Variants in CNTNAP2 observed in about 807,000 individuals in gnomAD.
CNTNAP2 encodes contactin-associated protein-like 2.
A neutral mutation model predicts 155.2 loss-of-function variants in CNTNAP2; 98 were observed. The ratio of observed to expected loss-of-function variants is 0.63; its 90% CI spans 0.54 to 0.75. The LOEUF is 0.75. Among genes scored for constraint, CNTNAP2 ranks in the 30% least tolerant of loss-of-function variants. The pLI is 0.00. For synonymous variants in CNTNAP2, 651 were observed against 631.2 expected (o/e 1.03, Z -0.47); for missense variants, 1,727 against 1,688.1 (o/e 1.02, Z -0.40).
At chr7:147,455,338 T>A (rs1052384215) in intron 10 of CNTNAP2, among the ~76,000 whole-genome samples, 4 of 152,168 alleles carry the variant, frequency 2.6e-5, no homozygotes, top group African/African-American at 9.6e-5. Flanking sequence ...AAAATATATT[T>A]GTTATTATAA....
chr7:147,531,263 C>T (rs1291388373), intron 11 of CNTNAP2, among the ~76,000 whole-genome samples: 1 of 152,192 alleles, frequency 6.6e-6, no homozygotes, highest in Non-Finnish European at 1.5e-5. Context: ...TCTTACAGCT[C>T]CACTAGGCAG....
At chr7:147,320,628 T>C (rs1795333569) in intron 9 of CNTNAP2, among the ~76,000 whole-genome samples, 1 of 152,180 alleles carries the variant, frequency 6.6e-6, no homozygotes, top group Non-Finnish European at 1.5e-5. Flanking sequence ...AGTATATAAA[T>C]TAAAAACCTG....
intron 15 of CNTNAP2, among the ~76,000 whole-genome samples, chr7:148,093,989 C>T (rs1803908187): frequency 6.6e-6 from 1 of 152,194 alleles, no homozygotes; most frequent in Non-Finnish European, 1.5e-5. Flanking sequence ...AACTCCTGAG[C>T]TCAAGCGATC....
At chr7:147,741,343 G>A (rs78057814) in intron 13 of CNTNAP2, among the ~76,000 whole-genome samples, 4,797 of 152,218 alleles carry the variant, frequency 0.032, 241 homozygotes, top group African/African-American at 0.11. Flanking sequence ...CAAATAAAAT[G>A]GGTCCTGTAA....
At chr7:147,601,048 A>G (rs1207827058) in intron 12 of CNTNAP2, among the ~76,000 whole-genome samples, 3 of 152,176 alleles carry the variant, frequency 2.0e-5, no homozygotes, top group Admixed American at 2.0e-4. Context: ...GCCTCCAAAC[A>G]TATCCAAAAT....
At chr7:147,734,229 C>T (rs1796797669) in intron 13 of CNTNAP2, among the ~76,000 whole-genome samples, 1 of 152,068 alleles carries the variant, frequency 6.6e-6, no homozygotes. Flanking sequence ...GCATGAAGGG[C>T]TATTGAATTT....
At chr7:147,293,367 T>C (rs1356227494) in intron 8 of CNTNAP2, among the ~76,000 whole-genome samples, 1 of 152,218 alleles carries the variant, frequency 6.6e-6, no homozygotes, top group African/African-American at 2.4e-5. Context: ...GGATCCATTT[T>C]CTTATGATAT....
intron 3 of CNTNAP2, among the ~76,000 whole-genome samples, chr7:146,928,107 C>T (rs977771039): frequency 8.6e-5 from 13 of 151,752 alleles, no homozygotes; most frequent in Non-Finnish European, 1.9e-4. Flanking sequence ...TTTGTCATTG[C>T]CCTGATTATG....
chr7:148,366,711 G>A (rs905537061), intron 21 of CNTNAP2, among the ~76,000 whole-genome samples: 4 of 152,170 alleles, frequency 2.6e-5, no homozygotes, highest in African/African-American at 9.7e-5. Context: ...ATTTCCAGGA[G>A]TAAGAGGCCA....
chr7:146,841,429 A>G (rs1285421039), intron 3 of CNTNAP2, among the ~76,000 whole-genome samples: 3 of 152,128 alleles, frequency 2.0e-5, no homozygotes, highest in Non-Finnish European at 4.4e-5. Flanking sequence ...AGCAGACCAA[A>G]CAACTGAGAG....
At chr7:148,140,443 C>G (rs1412761551) in intron 16 of CNTNAP2, among the ~76,000 whole-genome samples, 3 of 138,344 alleles carry the variant, frequency 2.2e-5, no homozygotes, top group African/African-American at 5.5e-5. Context: ...TTTTTTGAGA[C>G]AGAGTTTCGC....
intron 13 of CNTNAP2, among the ~76,000 whole-genome samples, chr7:147,647,230 A>C: frequency 6.6e-6 from 1 of 151,330 alleles, no homozygotes; most frequent in South Asian, 2.1e-4. Context: ...AGAACTCCTG[A>C]GCTCAGGCAA....
intron 1 of CNTNAP2, among the ~76,000 whole-genome samples, chr7:146,294,201 C>G (rs1800476657): frequency 6.6e-6 from 1 of 152,132 alleles, no homozygotes; most frequent in African/African-American, 2.4e-5. Flanking sequence ...GTGCCTTAAG[C>G]AAAATTGAAT....
intron 1 of CNTNAP2, among the ~76,000 whole-genome samples, chr7:146,476,058 G>A (rs143148004): frequency 2.6e-5 from 4 of 152,078 alleles, no homozygotes; most frequent in South Asian, 4.2e-4. Flanking sequence ...AACCGAAAAC[G>A]GAATCAGCTC....
At chr7:148,052,264 G>GA (rs1802906703) in intron 15 of CNTNAP2, among the ~76,000 whole-genome samples, 2 of 150,366 alleles carry the variant, frequency 1.3e-5, no homozygotes, top group African/African-American at 4.9e-5. Context: ...TGAGAAACTG[G>GA]AAAAATATTT....
At chr7:147,458,016 C>T (rs994582461) in intron 10 of CNTNAP2, among the ~76,000 whole-genome samples, 8 of 152,218 alleles carry the variant, frequency 5.3e-5, no homozygotes, top group African/African-American at 1.7e-4. Context: ...CTTCAAAGCA[C>T]TCCATGGTTT....
rs537966441 is a variant in CNTNAP2, at chr7:146,469,269, C to T, written c.98-305002C>T. On this transcript the variant is annotated intron_variant, in intron 1 of 23. Coordinates refer to ENST00000361727, the MANE Select transcript of CNTNAP2 (RefSeq NM_014141.6). ...CTGACCAATCCAGCTGCCTTCCCCT[C>T]CCTTTCACCAGTGTTTGCCCCAAAG... is the stretch of plus-strand genomic sequence containing the variant. Among the ~76,000 whole-genome samples the T allele has an allele frequency of 2.6e-5, 4 of 152,146 alleles. No individual in the cohort carries two copies. The South Asian group carries it at 8.3e-4, about 32-fold the overall frequency.
In CNTNAP2 at chr7:148,155,035, G is replaced by A. The variant is rs117448032; in HGVS notation, c.2773+7326G>A. Among the ~76,000 whole-genome samples, 1,285 of 152,264 alleles carry A rather than the reference G, an allele frequency of 8.4e-3. 10 individuals carry two copies. The highest frequency in any genetic ancestry group is 0.018 in the South Asian group (86 of 4,816). ...GCAAACCTGCCTCAAAAGCAACCAC[G>A]TGAATGCTGACTGAGACACCCCGGT... is the stretch of plus-strand genomic sequence containing the variant. On this transcript the variant is annotated intron_variant, in intron 17 of 23. Transcript: ENST00000361727.
chr7:146,520,633 A>G (rs1797604762), intron 1 of CNTNAP2, among the ~76,000 whole-genome samples: 1 of 151,802 alleles, frequency 6.6e-6, no homozygotes, highest in Admixed American at 6.6e-5. Context: ...TAATTCCACA[A>G]TCCACTCTGG....
Sources: allele counts gnomAD v4.1 joint callset (sites outside exome capture counted in the v4.1 genomes callset), GRCh38; gene constraint gnomAD v4.1.1; transcripts MANE v1.5; gene names NCBI Gene and HGNC (gene_info 2026-07-23, HGNC 2026-07-21).